The following RNF212B variants were observed in gnomAD, a reference collection of about 807,000 sequenced individuals.
RNF212B encodes the protein ring finger protein 212B.
RNF212B carries 52 observed loss-of-function variants against 55.5 expected under a neutral mutation model. That is an observed-to-expected ratio of 0.94 (90% CI 0.75 to 1.18). The LOEUF is 1.18. Ranked by LOEUF, RNF212B falls within the 50% of genes most tolerant of loss-of-function variation. The pLI is 0.00. For synonymous variants in RNF212B, 99 were observed against 121.4 expected, an observed-to-expected ratio of 0.82 and a Z score of 1.21; for missense variants, 289 against 350.4, an observed-to-expected ratio of 0.82 and a Z score of 1.40.
chr14:23,264,813 A>G, intron 11 of RNF212B, 142 bp downstream of exon 11: 1 of 398,488 alleles, frequency 2.5e-6, no homozygotes, highest in Non-Finnish European at 4.2e-6. Context: ...TACATATATT[A>G]CAAGGTTTTT....
chr14:23,260,576 G>T (rs1885220125), intron 6 of RNF212B, 83 bp from the exon 7 acceptor site: 1 of 1,324,136 alleles, frequency 7.6e-7, no homozygotes, highest in Admixed American at 2.0e-5. Flanking sequence ...ACTGAGCTTA[G>T]TTATCTCGCA....
At chr14:23,261,080 G>A (rs1044703989) in intron 7 of RNF212B, among the ~76,000 whole-genome samples, 2 of 152,132 alleles carry the variant, frequency 1.3e-5, no homozygotes, top group African/African-American at 4.8e-5. Flanking sequence ...TGCTGTGTCC[G>A]GTTTCCATTG....
chr14:23,266,865 T>C (rs1885745417), intron 11 of RNF212B, among the ~76,000 whole-genome samples: 1 of 152,244 alleles, frequency 6.6e-6, no homozygotes, highest in Admixed American at 6.5e-5. Context: ...GTTCAATTAG[T>C]ATGCTTCTGT....
chr14:23,212,504 A>G (rs1880621132), intron 2 of RNF212B, among the ~76,000 whole-genome samples: 1 of 152,166 alleles, frequency 6.6e-6, no homozygotes, highest in Non-Finnish European at 1.5e-5. Flanking sequence ...CAGAAAAATC[A>G]GTTGTACTTC....
At chr14:23,251,218 A>G (rs1884377686) in intron 4 of RNF212B, among the ~76,000 whole-genome samples, 2 of 151,614 alleles carry the variant, frequency 1.3e-5, no homozygotes, top group Admixed American at 6.6e-5. Flanking sequence ...TCTGATACCA[A>G]CCAGTTCTCT....
At chr14:23,237,214 C>G (rs529806815), upstream of RNF212B, among the ~76,000 whole-genome samples, 1 of 151,858 alleles carries the variant, frequency 6.6e-6, no homozygotes, top group South Asian at 2.1e-4. Context: ...ACTGCAACCT[C>G]CGCCTTCCGG....
At chr14:23,218,890 A>C (rs891460116) in intron 2 of RNF212B, among the ~76,000 whole-genome samples, 3 of 152,268 alleles carry the variant, frequency 2.0e-5, no homozygotes, top group Admixed American at 1.3e-4. Flanking sequence ...ACCTCCGGGC[A>C]TTTAATAATC....
chr14:23,186,044 G>A (rs564036072), intron 1 of RNF212B, among the ~76,000 whole-genome samples: 1 of 152,324 alleles, frequency 6.6e-6, no homozygotes, highest in South Asian at 2.1e-4. Flanking sequence ...AGGCTGCAAT[G>A]AGCCAAGATC....
intron 4 of RNF212B, among the ~76,000 whole-genome samples, chr14:23,252,198 C>T (rs1884467437): frequency 6.6e-6 from 1 of 151,978 alleles, no homozygotes; most frequent in Admixed American, 6.5e-5. Flanking sequence ...CAAGAGTCAC[C>T]TCATTAGCAC....
intron 2 of RNF212B, among the ~76,000 whole-genome samples, chr14:23,221,324 CA>C (rs1881558871): frequency 6.6e-6 from 1 of 150,492 alleles, no homozygotes; most frequent in African/African-American, 2.4e-5. Context: ...CAATGGAAAC[CA>C]AAAAAGAGCA....
chr14:23,255,427 A>C (rs1884761906), intron 4 of RNF212B, among the ~76,000 whole-genome samples: 1 of 152,244 alleles, frequency 6.6e-6, no homozygotes, highest in Non-Finnish European at 1.5e-5. Flanking sequence ...AAAGGAAAGG[A>C]ATCAGGGTAT....
chr14:23,236,518 A>AAAC (rs374729877), upstream of RNF212B, among the ~76,000 whole-genome samples: 3 of 152,092 alleles, frequency 2.0e-5, no homozygotes, highest in Non-Finnish European at 2.9e-5. Context: ...CTGCTTCAAA[A>AAAC]AACAACAACA....
At position 23,266,693 on chromosome 14, in the gene RNF212B, G is replaced by A. The variant is rs149262912; in HGVS notation, c.634+2022G>A. Among the ~76,000 whole-genome samples the A allele has an allele frequency of 6.4e-3, 977 of 152,040 alleles. 11 individuals carry two copies. The highest frequency in any genetic ancestry group is 0.022 in the African/African-American group (910 of 41,458). ...CCCAAAGTGCTGAGATTACAGGCGT[G>A]AGCCACCACACCCGGCCTGATTTAA... On this transcript the variant is annotated intron_variant, in intron 11 of 14. Coordinates refer to ENST00000430154, the MANE Select transcript of RNF212B (RefSeq NM_001282322.3).
intron 11 of RNF212B, among the ~76,000 whole-genome samples, chr14:23,266,789 T>C (rs767265725): frequency 2.6e-5 from 4 of 152,224 alleles, no homozygotes; most frequent in Non-Finnish European, 4.4e-5. Context: ...GGAAAGAATG[T>C]ATATTCTACT....
intron 2 of RNF212B, among the ~76,000 whole-genome samples, chr14:23,228,351 G>C (rs770963240): frequency 1.1e-4 from 16 of 150,180 alleles, no homozygotes; most frequent in Non-Finnish European, 2.4e-4. Context: ...CTGGCCAGGC[G>C]CAGTGGATCA....
intron 5 of RNF212B, chr14:23,259,391 T>C (rs1232150139): frequency 7.0e-6 from 1 of 142,138 alleles, no homozygotes; most frequent in Non-Finnish European, 1.5e-5. Flanking sequence ...TAGAGAGGAG[T>C]CTCTGCATAT....
chr14:23,207,759 GAC>G (rs1263821482), intron 2 of RNF212B, among the ~76,000 whole-genome samples: 1 of 152,222 alleles, frequency 6.6e-6, no homozygotes, highest in East Asian at 1.9e-4. Flanking sequence ...GCCCCTCCAT[GAC>G]ACAGCCTCAG....
chr14:23,264,766 C>CT, intron 11 of RNF212B, 95 bp downstream of exon 11: 1 of 657,356 alleles, frequency 1.5e-6, no homozygotes, highest in Non-Finnish European at 2.1e-6. Context: ...TGCCATTTCA[C>CT]TTGTTTTTTT....
intron 11 of RNF212B, among the ~76,000 whole-genome samples, chr14:23,266,541 A>C (rs1231657987): frequency 6.7e-6 from 1 of 149,534 alleles, no homozygotes; most frequent in Non-Finnish European, 1.5e-5. Context: ...CCTCCCGAGT[A>C]GCTGGGATTA....
Sources: allele counts gnomAD v4.1 joint callset (sites outside exome capture counted in the v4.1 genomes callset), GRCh38; gene constraint gnomAD v4.1.1; transcripts MANE v1.5; gene names NCBI Gene and HGNC (gene_info 2026-07-23, HGNC 2026-07-21).